Variants in COL26A1 observed in about 807,000 individuals in gnomAD.
COL26A1 encodes the protein collagen type XXVI alpha 1 chain, also known as collagen alpha-1(XXVI) chain.
Under a neutral mutation model 59.3 loss-of-function variants are expected in COL26A1, and 41 were observed. That is an observed-to-expected ratio of 0.69 (90% confidence interval 0.54 to 0.90). COL26A1 has a LOEUF of 0.90. Among genes scored for constraint, COL26A1 ranks in the 40% least tolerant of loss-of-function variants. The pLI is 0.00. For synonymous variants in COL26A1, 266 were observed against 256.0 expected, an observed-to-expected ratio of 1.04 and a Z score of -0.37; for missense variants, 612 against 602.3, an observed-to-expected ratio of 1.02 and a Z score of -0.17.
chr7:101,387,770 A>ATTTT (rs1304839639), intron 1 of COL26A1, among the ~76,000 whole-genome samples: 19 of 36,538 alleles, frequency 5.2e-4, no homozygotes, highest in South Asian at 1.3e-3. Flanking sequence ...ATATATATAT[A>ATTTT]TATATATATT....
intron 2 of COL26A1, among the ~76,000 whole-genome samples, chr7:101,430,966 T>C (rs1336970071): frequency 6.6e-6 from 1 of 151,884 alleles, no homozygotes; most frequent in East Asian, 1.9e-4. Context: ...GCTAATTTTT[T>C]TTATTTTTTA....
intron 3 of COL26A1, among the ~76,000 whole-genome samples, chr7:101,498,954 C>T (rs1363682914): frequency 6.6e-6 from 1 of 152,178 alleles, no homozygotes; most frequent in Admixed American, 6.5e-5. Context: ...CAAAACTGTG[C>T]ATTAATGAAA....
Position 101,416,419 on chromosome 7 carries a change from G to A in COL26A1, c.159-3558G>A, listed in dbSNP as rs985605843. 4.9e-5 allele frequency among the ~76,000 whole-genome samples: 7 copies of A among 143,636 alleles called. 2 individuals carry two copies. The highest frequency in any genetic ancestry group is 1.1e-4 in the Non-Finnish European group (7 of 63,370). The allele number at this position is 143,636 out of a possible 152,430, so 94.2% of individuals were successfully genotyped here. A position where few individuals can be genotyped will look rare whatever the true frequency, so the allele number is the denominator to read the frequency against. ...CAAAGTACTGGGATTACAGGCATGA[G>A]CTACCACACCCAGCCTGAACTCATG... On this transcript the variant is annotated intron_variant, in intron 1 of 12. Coordinates refer to ENST00000313669, the MANE Select transcript of COL26A1 (RefSeq NM_001278563.3).
chr7:101,398,022 CT>C (rs1161395006), intron 1 of COL26A1, among the ~76,000 whole-genome samples: 1 of 152,134 alleles, frequency 6.6e-6, no homozygotes. Context: ...TTTGCCTGTC[CT>C]TGAATGTCAT....
Position 101,401,675 on chromosome 7 carries a change from G to T in COL26A1, c.159-18302G>T, listed in dbSNP as rs550968943. On this transcript the variant is annotated intron_variant, in intron 1 of 12. Coordinates refer to ENST00000313669, the MANE Select transcript of COL26A1 (RefSeq NM_001278563.3). ...GGTGGAGGAGGAAGAGGAGGAAGAA[G>T]ATGTTGGAGGCTGAGGAGGAGGAAG... 4.6e-5 allele frequency among the ~76,000 whole-genome samples: 6 copies of T among 131,228 alleles called. No individual in the cohort carries two copies. The East Asian group carries it at 8.7e-4, about 19-fold the overall frequency. 86.1% of individuals were successfully genotyped at this position (131,228 alleles called of 152,430 possible).
At chr7:101,470,078 C>G (rs1360407671) in intron 3 of COL26A1, among the ~76,000 whole-genome samples, 4 of 151,614 alleles carry the variant, frequency 2.6e-5, no homozygotes, top group African/African-American at 9.7e-5. Flanking sequence ...AGAGAGGGGT[C>G]CCGGAGAAAT....
rs137969240 is a variant in COL26A1, at chr7:101,472,049, G to A, written c.385+24262G>A. ...AGACAGGATCTTACTTTGTCACCCA[G>A]GCTGGAGTGCAGTGGTATAAACATG... On this transcript the variant is annotated intron_variant, in intron 3 of 12. Coordinates refer to ENST00000313669, the MANE Select transcript of COL26A1 (RefSeq NM_001278563.3). Among the ~76,000 whole-genome samples, 431 of 152,158 alleles carry A rather than the reference G, an allele frequency of 2.8e-3. 1 individual carries two copies. Among genetic ancestry groups the A allele is most frequent in the African/African-American group, 1.0e-2 (415 of 41,528 alleles).
intron 1 of COL26A1, among the ~76,000 whole-genome samples, chr7:101,405,179 C>T (rs568203761): frequency 2.1e-4 from 31 of 150,168 alleles, no homozygotes; most frequent in African/African-American, 6.9e-4. Flanking sequence ...GCTGAGATCG[C>T]GCCACTGCAC....
At chr7:101,392,797 C>T (rs1465003761) in intron 1 of COL26A1, among the ~76,000 whole-genome samples, 1 of 151,984 alleles carries the variant, frequency 6.6e-6, no homozygotes, top group Non-Finnish European at 1.5e-5. Context: ...CTCCCTCCAC[C>T]GCATGGCCTC....
chr7:101,489,801 T>C lies in COL26A1; in HGVS notation c.385+42014T>C, dbSNP rs1208444743. Among the ~76,000 whole-genome samples, 6 of 1,744 alleles carry C rather than the reference T, an allele frequency of 3.4e-3. 1 individual carries two copies. Among genetic ancestry groups the C allele is most frequent in the Non-Finnish European group, 5.8e-3 (4 of 684 alleles). The allele number at this position is 1,744 out of a possible 152,430, so 1.1% of individuals were successfully genotyped here. ...TTCTTTCTTTCTTTCTTTCTTTCTT[T>C]CTTTCTTTCTTTCTTTCTTTCTTTC... On this transcript the variant is annotated intron_variant, in intron 3 of 12. Transcript: ENST00000313669.
At chr7:101,551,230 T>TGGGGGGGGTTTGGGG in intron 10 of COL26A1, 87 bp downstream of exon 10, 1 of 113,778 alleles carries the variant, frequency 8.8e-6, no homozygotes, top group South Asian at 1.0e-4. Context: ...CGGGGGTTGG[T>TGGGGGGGGTTTGGGG]GGGGGGGTTC....
In COL26A1 at chr7:101,362,973, G is replaced by C. The variant is rs1046992997; in HGVS notation, c.-60G>C. ...GTGCCGCGGGTTCGGTCCGGGCGCC[G>C]GTGCGCTCCTGCCGGTCCTCGTGCC... is the stretch of plus-strand genomic sequence containing the variant. On this transcript the variant is annotated 5_prime_UTR_variant, in exon 1 of 13. Coordinates refer to ENST00000313669, the MANE Select transcript of COL26A1 (RefSeq NM_001278563.3). The C allele has an allele frequency of 1.3e-6, 2 of 1,503,018 alleles. No individual in the cohort carries two copies. Among genetic ancestry groups the C allele is most frequent in the Non-Finnish European group, 1.8e-6 (2 of 1,132,740 alleles). The allele number at this position is 1,503,018 out of a possible 1,614,324, so 93.1% of individuals were successfully genotyped here.
chr7:101,468,931 A>G (rs964573273), intron 3 of COL26A1, among the ~76,000 whole-genome samples: 11 of 152,160 alleles, frequency 7.2e-5, no homozygotes, highest in Admixed American at 2.6e-4. Flanking sequence ...GCCCTGCTGC[A>G]CCGGGTGGAC....
intron 3 of COL26A1, among the ~76,000 whole-genome samples, chr7:101,491,311 T>C (rs752535195): frequency 5.9e-5 from 9 of 151,998 alleles, no homozygotes; most frequent in Non-Finnish European, 1.0e-4. Context: ...ACCATGGAAA[T>C]TGACAGACAC....
rs767728614 is a variant in COL26A1, at chr7:101,506,760, G to A, written c.386-26322G>A. On this transcript the variant is annotated intron_variant, in intron 3 of 12. Transcript: ENST00000313669. ...CTCTGCAAGATGGTTTGGACCATCC[G>A]GGGATTTCCAGCCAGAGTGCTGTTA... is the stretch of plus-strand genomic sequence containing the variant. Among the ~76,000 whole-genome samples the A allele has an allele frequency of 3.5e-4, 54 of 152,316 alleles. 1 individual carries two copies. The highest frequency in any genetic ancestry group is 8.3e-4 in the South Asian group (4 of 4,828).
intron 3 of COL26A1, among the ~76,000 whole-genome samples, chr7:101,448,617 T>C (rs1859640): frequency 0.4 from 61,473 of 151,868 alleles, 15,316 homozygotes; most frequent in African/African-American, 0.7. Flanking sequence ...TTCACCCTCC[T>C]GTGCAGTTGG....
At chr7:101,451,171 G>A (rs7804143) in intron 3 of COL26A1, among the ~76,000 whole-genome samples, 27,721 of 138,158 alleles carry the variant, frequency 0.2, 6,506 homozygotes, top group African/African-American at 0.59. Context: ...AGATATATAT[G>A]TAATATATAT....
chr7:101,463,997 G>A (rs1793697184), intron 3 of COL26A1, among the ~76,000 whole-genome samples: 1 of 142,864 alleles, frequency 7.0e-6, no homozygotes, highest in African/African-American at 2.6e-5. Flanking sequence ...ACAGGGTCTT[G>A]CTCTGTCACC....
intron 3 of COL26A1, among the ~76,000 whole-genome samples, chr7:101,460,406 CTCT>C (rs1404371093): frequency 2.0e-5 from 3 of 152,284 alleles, no homozygotes; most frequent in Non-Finnish European, 4.4e-5. Context: ...TGCATCCTCT[CTCT>C]TCTGTAGATT....
Sources: allele counts gnomAD v4.1 joint callset (sites outside exome capture counted in the v4.1 genomes callset), GRCh38; gene constraint gnomAD v4.1.1; transcripts MANE v1.5; gene names NCBI Gene and HGNC (gene_info 2026-07-23, HGNC 2026-07-21).